The following EZH2 variants were observed in gnomAD, a reference collection of about 807,000 sequenced individuals.
The protein encoded by EZH2 is histone-lysine N-methyltransferase EZH2.
EZH2 carries 18 observed loss-of-function variants against 98.4 expected under a neutral mutation model. That is an observed-to-expected ratio of 0.18 (90% CI 0.13 to 0.27). The LOEUF is 0.27. Among genes scored for constraint, EZH2 ranks in the 10% least tolerant of loss-of-function variants. EZH2 has a pLI of 1.00. For missense variants in EZH2, 470 were observed against 935.1 expected (o/e 0.50, Z 6.49); for synonymous variants, 338 against 312.3 (o/e 1.08, Z -0.87).
intron 12 of EZH2, 43 bp downstream of exon 12, chr7:148,816,641 C>T (rs749971367): frequency 1.4e-6 from 2 of 1,470,464 alleles, no homozygotes; most frequent in Non-Finnish European, 1.9e-6. Flanking sequence ...CCTGCAGTGT[C>T]TATCTATGTT....
At chr7:148,873,244 C>T (rs1211195469) in intron 1 of EZH2, among the ~76,000 whole-genome samples, 4 of 152,014 alleles carry the variant, frequency 2.6e-5, no homozygotes, top group African/African-American at 9.7e-5. Context: ...GTAATCCTAG[C>T]ACTTTGCAAG....
chr7:148,828,111 C>T (rs1349193943), intron 6 of EZH2, among the ~76,000 whole-genome samples: 1 of 152,174 alleles, frequency 6.6e-6, no homozygotes, highest in South Asian at 2.1e-4. Context: ...GAGCGAGACT[C>T]CGTCTCGAAA....
chr7:148,847,799 C>T (rs1814553814), intron 1 of EZH2, among the ~76,000 whole-genome samples: 1 of 152,152 alleles, frequency 6.6e-6, no homozygotes, highest in African/African-American at 2.4e-5. Context: ...ATAAAATGTA[C>T]AAAGGTACTC....
chr7:148,874,634 G>A (rs1164130547), intron 1 of EZH2, among the ~76,000 whole-genome samples: 3 of 152,090 alleles, frequency 2.0e-5, no homozygotes, highest in South Asian at 2.1e-4. Context: ...GAAAAGTTAT[G>A]TATTACTTGA....
At chr7:148,832,991 A>C (rs1256260601) in intron 3 of EZH2, among the ~76,000 whole-genome samples, 1 of 152,204 alleles carries the variant, frequency 6.6e-6, no homozygotes, top group African/African-American at 2.4e-5. Context: ...ATACTTACCA[A>C]TATCAGTAAG....
chr7:148,873,196 A>G (rs1819663833), intron 1 of EZH2, among the ~76,000 whole-genome samples: 1 of 152,156 alleles, frequency 6.6e-6, no homozygotes, highest in Admixed American at 6.5e-5. Context: ...AAGAAAAGAA[A>G]AAAGAAAAAA....
intron 1 of EZH2, among the ~76,000 whole-genome samples, chr7:148,875,372 G>C (rs921718554): frequency 6.6e-6 from 1 of 152,140 alleles, no homozygotes; most frequent in South Asian, 2.1e-4. Flanking sequence ...CAATCTGACA[G>C]ATAATGTGAC....
rs1467440714 is a variant in EZH2, at chr7:148,864,692, AAAAAAAAGG to A, written c.-7-17396_-7-17388del. On this transcript the variant is annotated intron_variant, in intron 1 of 19. Transcript: ENST00000320356. ...CACAGTGAGACTGTCTCAAAAAAAA[AAAAAAAAGG>A]AAAAAAAGAAAAAAAAAGTTTAAGT... Among the ~76,000 whole-genome samples, 815 of 151,972 alleles carry A rather than the reference AAAAAAAAGG, an allele frequency of 5.4e-3. 9 individuals are homozygous for A. The highest frequency in any genetic ancestry group is 0.018 in the African/African-American group (741 of 41,378).
intron 8 of EZH2, among the ~76,000 whole-genome samples, chr7:148,825,608 A>G (rs1051428605): frequency 1.6e-4 from 24 of 152,324 alleles, no homozygotes; most frequent in African/African-American, 5.1e-4. Context: ...ACGAGGAGGA[A>G]TAAATCTGTC....
intron 1 of EZH2, among the ~76,000 whole-genome samples, chr7:148,879,301 A>G (rs1820617074): frequency 1.3e-5 from 2 of 152,128 alleles, no homozygotes; most frequent in African/African-American, 2.4e-5. Flanking sequence ...CTATAATCCC[A>G]CCACTTTGGG....
intron 3 of EZH2, among the ~76,000 whole-genome samples, chr7:148,840,057 T>C (rs961012398): frequency 3.3e-5 from 5 of 152,178 alleles, no homozygotes; most frequent in Non-Finnish European, 7.3e-5. Flanking sequence ...TAATATTGTG[T>C]TGAGAATATA....
At chr7:148,839,837 G>A (rs1301850217) in intron 3 of EZH2, among the ~76,000 whole-genome samples, 1 of 152,116 alleles carries the variant, frequency 6.6e-6, no homozygotes, top group Non-Finnish European at 1.5e-5. Flanking sequence ...GTGAGCCACT[G>A]CACCCAGCCA....
chr7:148,816,892 C>G, intron 11 of EZH2, 114 bp from the exon 12 acceptor site: 1 of 755,314 alleles, frequency 1.3e-6, no homozygotes, highest in Non-Finnish European at 2.3e-6. Context: ...CTGCTAGATG[C>G]TGGGGATATA....
intron 1 of EZH2, among the ~76,000 whole-genome samples, chr7:148,857,985 T>C (rs1290367246): frequency 6.7e-6 from 1 of 148,234 alleles, no homozygotes; most frequent in African/African-American, 2.5e-5. Context: ...TTTAAAAACA[T>C]AGGATTAAAA....
intron 1 of EZH2, among the ~76,000 whole-genome samples, chr7:148,859,592 C>G (rs961244817): frequency 3.9e-5 from 6 of 152,020 alleles, no homozygotes; most frequent in African/African-American, 1.5e-4. Flanking sequence ...AAAAACAATA[C>G]AGGTAAGTGA....
intron 4 of EZH2, among the ~76,000 whole-genome samples, chr7:148,830,917 T>A (rs113167592): frequency 6.6e-6 from 1 of 152,212 alleles, no homozygotes; most frequent in African/African-American, 2.4e-5. Context: ...AAGACAAGTC[T>A]AAGTCTTAAG....
At chr7:148,825,734 G>A (rs60245404) in intron 8 of EZH2, among the ~76,000 whole-genome samples, 2,810 of 152,098 alleles carry the variant, frequency 0.018, 100 homozygotes, top group African/African-American at 0.064. Context: ...ATAGACAGAC[G>A]TACTAAAATA....
chr7:148,827,568 T>A (rs1373916187), intron 6 of EZH2, among the ~76,000 whole-genome samples: 2 of 152,208 alleles, frequency 1.3e-5, no homozygotes, highest in African/African-American at 4.8e-5. Context: ...ACCTCTTGGG[T>A]CTGTTTACTC....
At chr7:148,845,911 C>G (rs1813892238) in intron 3 of EZH2, among the ~76,000 whole-genome samples, 1 of 152,190 alleles carries the variant, frequency 6.6e-6, no homozygotes, top group African/African-American at 2.4e-5. Flanking sequence ...ATTATAGATT[C>G]TACCATAGAT....
Sources: gnomAD v4.1 joint callset for allele counts (sites outside exome capture counted in the v4.1 genomes callset) on GRCh38, gnomAD v4.1.1 for gene constraint, MANE v1.5 for transcripts, NCBI Gene and HGNC (gene_info 2026-07-23, HGNC 2026-07-21) for gene names.